TCF4: variants seen among roughly 807,000 people sequenced by gnomAD.
The protein encoded by TCF4 is SL3-3 enhancer factor 2.
TCF4 carries 3 observed loss-of-function variants against 82.1 expected under a neutral mutation model. The ratio of observed to expected loss-of-function variants is 0.04; its 90% CI spans 0.02 to 0.09. TCF4 has a LOEUF of 0.09. Among genes scored for constraint, TCF4 ranks in the 10% least tolerant of loss-of-function variants. TCF4 has a pLI of 1.00. For synonymous variants in TCF4, 276 were observed against 309.6 expected (o/e 0.89, Z 1.14); for missense variants, 518 against 852.7 (o/e 0.61, Z 4.89).
At chr18:55,476,637 A>T (rs2096295313) in intron 3 of TCF4, among the ~76,000 whole-genome samples, 1 of 151,846 alleles carries the variant, frequency 6.6e-6, no homozygotes, top group Non-Finnish European at 1.5e-5. Flanking sequence ...CACCACACCC[A>T]GTGAATTTTT....
chr18:55,239,976 G>T (rs1240372470), intron 15 of TCF4, among the ~76,000 whole-genome samples: 2 of 152,184 alleles, frequency 1.3e-5, no homozygotes, highest in African/African-American at 2.4e-5. Flanking sequence ...CCTAGTTAAT[G>T]TTATCTCCAG....
chr18:55,572,107 G>A (rs2097478561), intron 3 of TCF4, among the ~76,000 whole-genome samples: 1 of 151,980 alleles, frequency 6.6e-6, no homozygotes. Context: ...TTTTTGCTTG[G>A]TATAGACAGT....
intron 8 of TCF4, among the ~76,000 whole-genome samples, chr18:55,336,573 CAAGAAA>C (rs2078688429): frequency 6.6e-6 from 1 of 151,412 alleles, no homozygotes; most frequent in Non-Finnish European, 1.5e-5. Flanking sequence ...CTTTAGGGGG[CAAGAAA>C]AAGAAAGAAG....
At chr18:55,236,427 T>A (rs1280669927) in intron 15 of TCF4, among the ~76,000 whole-genome samples, 1 of 152,096 alleles carries the variant, frequency 6.6e-6, no homozygotes. Flanking sequence ...TTTCAGCTTC[T>A]AGAGCTCTGT....
chr18:55,603,359 A>G (rs1185001965), intron 2 of TCF4, among the ~76,000 whole-genome samples: 1 of 151,804 alleles, frequency 6.6e-6, no homozygotes, highest in Non-Finnish European at 1.5e-5. Flanking sequence ...CAGTTTATCC[A>G]TAACGATGAA....
intron 5 of TCF4, among the ~76,000 whole-genome samples, chr18:55,415,796 C>A (rs1021907653): frequency 1.3e-5 from 2 of 152,054 alleles, no homozygotes; most frequent in African/African-American, 4.8e-5. Flanking sequence ...ATTTGTAATG[C>A]AAGGATTTAT....
chr18:55,363,901 G>T (rs1373518584), intron 6 of TCF4, among the ~76,000 whole-genome samples: 1 of 152,056 alleles, frequency 6.6e-6, no homozygotes, highest in Non-Finnish European at 1.5e-5. Flanking sequence ...TTAATGAGAA[G>T]ATACTCCTAA....
intron 8 of TCF4, among the ~76,000 whole-genome samples, chr18:55,303,254 C>CACCCCTACACACACACACACACACCCCT: frequency 6.7e-6 from 1 of 150,104 alleles, no homozygotes; most frequent in South Asian, 2.1e-4. Flanking sequence ...CACACACACA[C>CACCCCTACACACACACACACACACCCCT]ACACACACAC....
chr18:55,599,692 G>C (rs761962983), intron 2 of TCF4, among the ~76,000 whole-genome samples: 1 of 152,228 alleles, frequency 6.6e-6, no homozygotes, highest in Non-Finnish European at 1.5e-5. Context: ...CTGCACTCCA[G>C]CCTGGGTGAC....
At chr18:55,255,491 G>C (rs1001953048) in intron 14 of TCF4, among the ~76,000 whole-genome samples, 2 of 152,052 alleles carry the variant, frequency 1.3e-5, no homozygotes, top group African/African-American at 4.8e-5. Flanking sequence ...TTGCCATTAG[G>C]ATTCTAGTTT....
intron 8 of TCF4, among the ~76,000 whole-genome samples, chr18:55,334,081 C>A (rs984053545): frequency 6.6e-6 from 1 of 152,048 alleles, no homozygotes; most frequent in African/African-American, 2.4e-5. Context: ...AAGGACTCAG[C>A]CTAATTTCAT....
chr18:55,244,907 A>T (rs2052564129), intron 15 of TCF4, among the ~76,000 whole-genome samples: 1 of 152,170 alleles, frequency 6.6e-6, no homozygotes, highest in Non-Finnish European at 1.5e-5. Flanking sequence ...GAAACTCAAT[A>T]CCGTGGTTTT....
intron 5 of TCF4, among the ~76,000 whole-genome samples, chr18:55,456,408 A>G (rs1178925186): frequency 6.6e-6 from 1 of 152,180 alleles, no homozygotes; most frequent in African/African-American, 2.4e-5. Context: ...AACCATTCAA[A>G]ATGGGCCATG....
chr18:55,549,163 T>G (rs1295387495), intron 3 of TCF4, among the ~76,000 whole-genome samples: 1 of 151,976 alleles, frequency 6.6e-6, no homozygotes, highest in East Asian at 1.9e-4. Context: ...TAGCTGCACG[T>G]GATGGCACGC....
At chr18:55,458,099 A>G (rs1353260088) in intron 5 of TCF4, among the ~76,000 whole-genome samples, 1 of 152,214 alleles carries the variant, frequency 6.6e-6, no homozygotes, top group Non-Finnish European at 1.5e-5. Flanking sequence ...TCTGCAGTTA[A>G]TAACTCTTTC....
intron 3 of TCF4, among the ~76,000 whole-genome samples, chr18:55,557,420 C>G (rs1454259398): frequency 6.6e-6 from 1 of 151,926 alleles, no homozygotes; most frequent in South Asian, 2.1e-4. Flanking sequence ...ATGACAAAAA[C>G]AAACACAGAA....
intron 3 of TCF4, among the ~76,000 whole-genome samples, chr18:55,526,629 TC>T (rs1453373884): frequency 1.3e-5 from 2 of 152,150 alleles, no homozygotes; most frequent in African/African-American, 4.8e-5. Context: ...AATGTTCTGT[TC>T]CACAGACAGC....
intron 3 of TCF4, among the ~76,000 whole-genome samples, chr18:55,494,965 T>TAA (rs138885827): frequency 3.0e-4 from 43 of 142,558 alleles, no homozygotes; most frequent in Admixed American, 5.6e-4. Context: ...AGCCTTTCTT[T>TAA]AAAAAAAAAA....
At chr18:55,302,356 C>T (rs2068589777) in intron 8 of TCF4, 1 of 1,454,016 alleles carries the variant, frequency 6.9e-7, no homozygotes, top group Non-Finnish European at 9.3e-7. Flanking sequence ...CAGTGCAGCC[C>T]AAGAGGTGTC....
Sources: gnomAD v4.1 joint callset for allele counts (sites outside exome capture counted in the v4.1 genomes callset) on GRCh38, gnomAD v4.1.1 for gene constraint, MANE v1.5 for transcripts, NCBI Gene and HGNC (gene_info 2026-07-23, HGNC 2026-07-21) for gene names.